The following ARHGAP29 variants were observed in gnomAD, a reference collection of about 807,000 sequenced individuals.
ARHGAP29 encodes Rho GTPase activating protein 29.
In ARHGAP29, 43 loss-of-function variants were observed where a neutral mutation model predicts 122.6. The observed-to-expected ratio is 0.35, with a 90% confidence interval of 0.27 to 0.45. The LOEUF is 0.45. ARHGAP29 is among the 20% of genes least tolerant of loss of function. ARHGAP29 has a pLI of 1.00. For synonymous variants in ARHGAP29, 506 were observed against 497.1 expected (o/e 1.02, Z -0.24); for missense variants, 1,303 against 1,477.2 (o/e 0.88, Z 1.93).
At chr1:94,243,895 C>CA (rs960861274) in intron 1 of ARHGAP29, among the ~76,000 whole-genome samples, 1 of 124,420 alleles carries the variant, frequency 8.0e-6, no homozygotes, top group Non-Finnish European at 1.7e-5. Context: ...GGGAATGTTA[C>CA]AAAAAACTTT....
Position 94,174,692 on chromosome 1 carries a change from T to C in ARHGAP29, c.2963A>G (p.Asp988Gly). 6.2e-7 allele frequency: 1 copy of C among 1,614,130 alleles called. No individual in the cohort carries two copies. Among genetic ancestry groups the C allele is most frequent in the Non-Finnish European group, 8.5e-7 (1 of 1,180,026 alleles). Residue 988 changes from aspartate (D) to glycine (G), a missense_variant, in exon 23 of 23, where the codon GAT (aspartate) becomes GGT (glycine). By Grantham distance (94) the Asp-to-Gly change is moderately conservative. Transcript: ENST00000260526. ...EAESASQKIE[D>G]GKTPKPLSLK... ...AGAAAGTGGCTTAGGGGTTTTACCA[T>C]CTTCTATCTTTTGGGATGCTGATTC...
chr1:94,235,597 T>C (rs1056365029), intron 1 of ARHGAP29, among the ~76,000 whole-genome samples: 3 of 152,202 alleles, frequency 2.0e-5, no homozygotes, highest in Admixed American at 2.0e-4. Context: ...ACTGACTCTG[T>C]GGAAACCTAC....
chr1:94,237,784 C>T (rs1190252943), upstream of ARHGAP29: 2 of 985,088 alleles, frequency 2.0e-6, no homozygotes, highest in Non-Finnish European at 2.4e-6. Flanking sequence ...TCACGGGCTG[C>T]GTCGGCTGCC....
chr1:94,183,334 T>C (rs1019202104), intron 19 of ARHGAP29, among the ~76,000 whole-genome samples: 1 of 152,190 alleles, frequency 6.6e-6, no homozygotes, highest in Admixed American at 6.5e-5. Context: ...GCAGCTAAGC[T>C]TGGCTCAGGT....
the ARHGAP29 span, among the ~76,000 whole-genome samples, chr1:94,281,668 G>A: frequency 6.6e-6 from 1 of 152,160 alleles, no homozygotes; most frequent in East Asian, 1.9e-4. Context: ...AGTAGGTACT[G>A]CTCACAAGCA....
At chr1:94,206,153 T>G (rs962474462) in intron 5 of ARHGAP29, among the ~76,000 whole-genome samples, 2 of 152,230 alleles carry the variant, frequency 1.3e-5, no homozygotes, top group Non-Finnish European at 2.9e-5. Flanking sequence ...GTTTTATATC[T>G]GTACTGTCCA....
chr1:94,238,314 C>G (rs1203923476), upstream of ARHGAP29, among the ~76,000 whole-genome samples: 1 of 151,984 alleles, frequency 6.6e-6, no homozygotes, highest in Non-Finnish European at 1.5e-5. Flanking sequence ...GGTGATCCAC[C>G]CGCCTCAGCC....
chr1:94,179,040 T>A (rs1649284329), intron 20 of ARHGAP29, among the ~76,000 whole-genome samples: 1 of 152,180 alleles, frequency 6.6e-6, no homozygotes, highest in Non-Finnish European at 1.5e-5. Context: ...ATGCTGTGCA[T>A]AGCTGTTAGA....
Position 94,184,589 on chromosome 1 carries a change from A to T in ARHGAP29, c.2109+283T>A, listed in dbSNP as rs576102842. Among the ~76,000 whole-genome samples the T allele has an allele frequency of 6.4e-3, 938 of 147,598 alleles. 7 individuals are homozygous for T. Among genetic ancestry groups the T allele is most frequent in the African/African-American group, 0.02 (793 of 40,454 alleles). ...GGAGACCACATCTCTACAGAAAAAA[A>T]TTTTTTTTTTTTTAATTAGCCAGGC... On this transcript the variant is annotated intron_variant, in intron 18 of 22. Coordinates refer to ENST00000260526, the MANE Select transcript of ARHGAP29 (RefSeq NM_004815.4).
chr1:94,185,055 G>C lies in ARHGAP29; in HGVS notation c.1926C>G (p.Leu642=). The C allele has an allele frequency of 6.2e-7, 1 of 1,608,462 alleles. No homozygotes were observed. ...CCAAACACTTTCGATGACAAACAAG[G>C]AGACACTACAAGAAAATGATAGTTT... The part of the protein sequence containing the change: ...VFQGVECEEC[L]LVCHRKCLEN... Residue 642 remains leucine, a synonymous_variant, in exon 18 of 23, where the codon CTC becomes CTG. Transcript: ENST00000260526.
intron 1 of ARHGAP29, among the ~76,000 whole-genome samples, chr1:94,254,192 TATTG>T (rs1654231250): frequency 6.6e-6 from 1 of 152,220 alleles, no homozygotes; most frequent in African/African-American, 2.4e-5. Context: ...CCTTCAAAAA[TATTG>T]ATTGTCACTG....
chr1:94,304,935 G>A, the ARHGAP29 span, among the ~76,000 whole-genome samples: 1 of 152,222 alleles, frequency 6.6e-6, no homozygotes, highest in South Asian at 2.1e-4. Flanking sequence ...GCCTGTGTGA[G>A]AGGTAGATGT....
chr1:94,287,615 T>C, the ARHGAP29 span, among the ~76,000 whole-genome samples: 1 of 152,072 alleles, frequency 6.6e-6, no homozygotes, highest in Non-Finnish European at 1.5e-5. Flanking sequence ...TAACTCGTCA[T>C]TTACATTAGG....
rs1249969350 is a variant in ARHGAP29 at position 94,260,100 on chromosome 1, A to G, written c.-33+14912T>C. Among the ~76,000 whole-genome samples the G allele has an allele frequency of 2.0e-5, 3 of 152,214 alleles. No individual in the cohort carries two copies. In the East Asian group the frequency reaches 5.8e-4, roughly 29 times the overall value. ...CTTGTGTTTAGGAAGTCCATCTACCAATGTCTACCACCATTTGCCACGTCA... is the reference window on the plus strand; with the variant it reads ...CTTGTGTTTAGGAAGTCCATCTACCGATGTCTACCACCATTTGCCACGTCA... On this transcript the variant is annotated intron_variant and NMD_transcript_variant, in intron 1 of 25. Coordinates refer to the ARHGAP29 transcript ENST00000552844.
At chr1:94,223,767 A>G (rs543516206) in intron 2 of ARHGAP29, among the ~76,000 whole-genome samples, 1 of 152,220 alleles carries the variant, frequency 6.6e-6, no homozygotes, top group East Asian at 1.9e-4. Context: ...CTGGGAAAAT[A>G]ATATAATTTG....
chr1:94,246,048 A>C (rs901313375), intron 1 of ARHGAP29, among the ~76,000 whole-genome samples: 5 of 152,226 alleles, frequency 3.3e-5, no homozygotes, highest in African/African-American at 1.2e-4. Flanking sequence ...TCTCAGCCAA[A>C]GTTCTATTTC....
chr1:94,202,002 T>TC, intron 11 of ARHGAP29, 145 bp from the exon 12 acceptor site: 2 of 794,302 alleles, frequency 2.5e-6, no homozygotes, highest in Non-Finnish European at 3.8e-6. Flanking sequence ...TCTGTTCTGG[T>TC]CAGTGATTCA....
intron 1 of ARHGAP29, chr1:94,249,460 T>G (rs1453223887): frequency 1.3e-5 from 2 of 152,208 alleles, no homozygotes; most frequent in African/African-American, 2.4e-5. Flanking sequence ...CCAGTGAAAA[T>G]TAGTCATCCA....
chr1:94,180,637 T>C (rs1289788295), intron 19 of ARHGAP29, among the ~76,000 whole-genome samples: 1 of 152,196 alleles, frequency 6.6e-6, no homozygotes, highest in Non-Finnish European at 1.5e-5. Flanking sequence ...TTTCCTCTGC[T>C]GGTCCTAGAG....
Sources: allele counts gnomAD v4.1 joint callset (sites outside exome capture counted in the v4.1 genomes callset), GRCh38; gene constraint gnomAD v4.1.1; transcripts MANE v1.5; gene names NCBI Gene and HGNC (gene_info 2026-07-23, HGNC 2026-07-21).